PIP4K2B: variants seen among roughly 807,000 people sequenced by gnomAD.
The protein encoded by PIP4K2B is phosphatidylinositol 5-phosphate 4-kinase type-2 beta.
Under a neutral mutation model 42.0 loss-of-function variants are expected in PIP4K2B, and 3 were observed. The ratio of observed to expected loss-of-function variants is 0.07; its 90% CI spans 0.03 to 0.18. PIP4K2B has a LOEUF of 0.18. Ranked by LOEUF, PIP4K2B falls within the 10% of genes least tolerant of loss-of-function variation. The pLI is 1.00. For missense variants in PIP4K2B, 332 were observed against 562.3 expected, an observed-to-expected ratio of 0.59 and a Z score of 4.14; for synonymous variants, 204 against 210.1, an observed-to-expected ratio of 0.97 and a Z score of 0.25.
intron 1 of PIP4K2B, among the ~76,000 whole-genome samples, chr17:38,793,072 G>A (rs1910424723): frequency 6.6e-6 from 1 of 151,934 alleles, no homozygotes; most frequent in African/African-American, 2.4e-5. Context: ...GGGATTACAG[G>A]CGCATGCCAC....
chr17:38,773,469 A>G (rs1260867841), intron 7 of PIP4K2B, among the ~76,000 whole-genome samples: 1 of 152,178 alleles, frequency 6.6e-6, no homozygotes, highest in Non-Finnish European at 1.5e-5. Context: ...TGGTGGTTCA[A>G]GTCTTTTATC....
intron 1 of PIP4K2B, among the ~76,000 whole-genome samples, chr17:38,791,891 C>G (rs1012236962): frequency 6.6e-6 from 1 of 150,536 alleles, no homozygotes; most frequent in African/African-American, 2.4e-5. Flanking sequence ...AGATCAAGAC[C>G]ATCCTGGCTA....
chr17:38,793,719 G>A (rs1910465614), intron 1 of PIP4K2B, among the ~76,000 whole-genome samples: 1 of 152,128 alleles, frequency 6.6e-6, no homozygotes, highest in African/African-American at 2.4e-5. Context: ...AAAAATACAA[G>A]TGTTAGTCGG....
chr17:38,784,618 A>G lies in PIP4K2B; in HGVS notation c.258-279T>C, dbSNP rs1354927291. Among the ~76,000 whole-genome samples, 3 of 152,144 alleles carry G rather than the reference A, an allele frequency of 2.0e-5. No homozygotes were observed. The East Asian group carries it at 5.8e-4, about 29-fold the overall frequency. On this transcript the variant is annotated intron_variant, in intron 2 of 9. Transcript: ENST00000619039. The stretch of plus-strand genomic sequence containing the variant: ...TGAACATCTGCCATACTTAACATGT[A>G]GGTTTCTAGGCTCTTAGGAATTCTG...
chr17:38,787,894 G>T (rs963571225), intron 1 of PIP4K2B, among the ~76,000 whole-genome samples: 1 of 152,156 alleles, frequency 6.6e-6, no homozygotes, highest in South Asian at 2.1e-4. Flanking sequence ...CACCACGCTC[G>T]GCTTTAATTA....
intron 2 of PIP4K2B, among the ~76,000 whole-genome samples, chr17:38,785,880 A>C (rs1255394099): frequency 6.6e-6 from 1 of 152,146 alleles, no homozygotes; most frequent in African/African-American, 2.4e-5. Context: ...GAGTCAGAAC[A>C]ACCTTCTTTC....
intron 1 of PIP4K2B, among the ~76,000 whole-genome samples, chr17:38,795,099 C>CAAAAAAAAAAAAAAAA (rs61707682): frequency 1.7e-4 from 7 of 41,498 alleles, no homozygotes; most frequent in East Asian, 8.5e-4. Context: ...AACTCCATCT[C>CAAAAAAAAAAAAAAAA]AAAAAAAAAA....
intron 6 of PIP4K2B, 34 bp from the exon 7 acceptor site, chr17:38,777,834 C>T (rs778871305): frequency 6.9e-7 from 1 of 1,444,282 alleles, no homozygotes; most frequent in Non-Finnish European, 9.8e-7. Context: ...CTGGGTAAGC[C>T]TGATTAATTC....
At chr17:38,790,753 G>A (rs1399021382) in intron 1 of PIP4K2B, among the ~76,000 whole-genome samples, 1 of 152,166 alleles carries the variant, frequency 6.6e-6, no homozygotes, top group Admixed American at 6.5e-5. Flanking sequence ...TACTGCACCT[G>A]GCCCAGCCTA....
intron 7 of PIP4K2B, among the ~76,000 whole-genome samples, chr17:38,774,486 G>C (rs1174538493): frequency 2.0e-5 from 3 of 152,006 alleles, no homozygotes; most frequent in Non-Finnish European, 4.4e-5. Context: ...AAATCTCTTA[G>C]GGCCGGGCGT....
intron 3 of PIP4K2B, among the ~76,000 whole-genome samples, chr17:38,780,807 C>G (rs888136155): frequency 2.0e-5 from 3 of 152,136 alleles, no homozygotes; most frequent in African/African-American, 7.2e-5. Flanking sequence ...AAGAATTGTT[C>G]CTTACCACCT....
At chr17:38,797,431 A>AG (rs1224316516) in intron 1 of PIP4K2B, among the ~76,000 whole-genome samples, 1 of 152,138 alleles carries the variant, frequency 6.6e-6, no homozygotes, top group Non-Finnish European at 1.5e-5. Context: ...GACTTGGCTG[A>AG]GGGAGAGGAA....
At chr17:38,785,456 T>G (rs952476302) in intron 2 of PIP4K2B, among the ~76,000 whole-genome samples, 1 of 152,088 alleles carries the variant, frequency 6.6e-6, no homozygotes, top group Non-Finnish European at 1.5e-5. Flanking sequence ...TGGATCACCC[T>G]GACTGAGGTC....
At position 38,767,514 on chromosome 17, in the gene PIP4K2B, AACACACAAACATACACACAC is replaced by A. The variant is rs1374821550; in HGVS notation, c.*2157_*2176del. The A allele has an allele frequency of 6.6e-6, 1 of 152,364 alleles. No individual in the cohort carries two copies. The highest frequency in any genetic ancestry group is 1.9e-4 in the East Asian group (1 of 5,200). 9.4% of individuals were successfully genotyped at this position (152,364 alleles called of 1,614,324 possible). ...CTCTCAAAATGTAAACAATATACAAAACACACAAACATACACACACACACACAAACTCAATGTTAAACAAG... is the reference window on the plus strand; with the variant it reads ...CTCTCAAAATGTAAACAATATACAAAACACACAAACTCAATGTTAAACAAG... On this transcript the variant is annotated 3_prime_UTR_variant, in exon 10 of 10. Coordinates refer to ENST00000619039, the MANE Select transcript of PIP4K2B (RefSeq NM_003559.5).
intron 4 of PIP4K2B, chr17:38,779,770 C>G (rs1909594180): frequency 2.0e-6 from 1 of 492,302 alleles, no homozygotes; most frequent in East Asian, 3.0e-5. Flanking sequence ...GCTCAGAGCC[C>G]CTGTGGGTTC....
chr17:38,794,347 T>A (rs532498428), intron 1 of PIP4K2B, among the ~76,000 whole-genome samples: 169 of 151,992 alleles, frequency 1.1e-3, no homozygotes, highest in African/African-American at 3.9e-3. Context: ...AGTTAATTGG[T>A]AGGCATAAAG....
Position 38,786,493 on chromosome 17 carries a change from G to A in PIP4K2B, c.257+330C>T, listed in dbSNP as rs188180115. The stretch of plus-strand genomic sequence containing the variant: ...CTGCCTCAGACTAAGACCAAGATGG[G>A]GCCACTGCTACAGCCTCACACTGAA... On this transcript the variant is annotated intron_variant, in intron 2 of 9. Coordinates refer to ENST00000619039, the MANE Select transcript of PIP4K2B (RefSeq NM_003559.5). Among the ~76,000 whole-genome samples, 6 of 152,220 alleles carry A rather than the reference G, an allele frequency of 3.9e-5. No individual in the cohort carries two copies. The South Asian group carries it at 1.0e-3, about 26-fold the overall frequency.
At chr17:38,776,632 A>G (rs754268932) in intron 7 of PIP4K2B, 6 of 445,938 alleles carry the variant, frequency 1.3e-5, no homozygotes, top group South Asian at 7.9e-5. Context: ...TCTCCTAAAA[A>G]AAAACAAAAC....
chr17:38,788,945 C>CAAA (rs35436430), intron 1 of PIP4K2B, among the ~76,000 whole-genome samples: 66 of 134,030 alleles, frequency 4.9e-4, no homozygotes, highest in African/African-American at 1.7e-3. Flanking sequence ...GACTCTGTCT[C>CAAA]AAAAAAAAAA....
Sources: gnomAD v4.1 joint callset for allele counts (sites outside exome capture counted in the v4.1 genomes callset) on GRCh38, gnomAD v4.1.1 for gene constraint, MANE v1.5 for transcripts, NCBI Gene and HGNC (gene_info 2026-07-23, HGNC 2026-07-21) for gene names.